Variants in TRPC7 observed in about 807,000 individuals in gnomAD.
TRPC7 encodes the protein short transient receptor potential channel 7.
A neutral mutation model predicts 90.1 loss-of-function variants in TRPC7; 42 were observed. The observed-to-expected ratio is 0.47, with a 90% CI of 0.36 to 0.60. The LOEUF is 0.60. TRPC7 is among the 20% of genes least tolerant of loss of function. The pLI is 0.00. For synonymous variants in TRPC7, 451 were observed against 436.3 expected, an observed-to-expected ratio of 1.03 and a Z score of -0.42; for missense variants, 955 against 1,112.3, an observed-to-expected ratio of 0.86 and a Z score of 2.01.
intron 5 of TRPC7, among the ~76,000 whole-genome samples, chr5:136,254,419 C>G (rs1157178292): frequency 2.0e-5 from 3 of 152,144 alleles, no homozygotes; most frequent in Non-Finnish European, 4.4e-5. Flanking sequence ...ATGTACCATT[C>G]CAAACCTAGG....
chr5:136,360,284 T>TACAAAACAAAACAAA lies in TRPC7; in HGVS notation c.3-2914_3-2900dup, dbSNP rs138394162. The stretch of plus-strand genomic sequence containing the variant: ...AGCATTGTTTGTTAATTCCACTCAT[T>TACAAAACAAAACAAA]ACAAAACAAAACAAAACAAAACAAA... On this transcript the variant is annotated intron_variant, in intron 1 of 11. Coordinates refer to ENST00000513104, the MANE Select transcript of TRPC7 (RefSeq NM_020389.3). Among the ~76,000 whole-genome samples, 329 of 151,590 alleles carry TACAAAACAAAACAAA rather than the reference T, an allele frequency of 2.2e-3. 1 individual carries two copies. Among genetic ancestry groups the TACAAAACAAAACAAA allele is most frequent in the Middle Eastern group, 0.01 (3 of 294 alleles).
At chr5:136,238,004 G>A (rs1363781796) in intron 7 of TRPC7, among the ~76,000 whole-genome samples, 1 of 152,274 alleles carries the variant, frequency 6.6e-6, no homozygotes, top group East Asian at 1.9e-4. Flanking sequence ...GCCTCCTGGA[G>A]CCCGAGGCTG....
rs371441234 is a variant in TRPC7 at position 136,323,061 on chromosome 5, G to A, written c.781-7282C>T. On this transcript the variant is annotated intron_variant, in intron 2 of 11. Coordinates refer to ENST00000513104, the MANE Select transcript of TRPC7 (RefSeq NM_020389.3). Reference sequence around the variant, plus strand: ...CCCATAGTTCCCTTGTGTTGTGGGAGGAACCCAGTGGGAGATAATTGAATC... The same window carrying A: ...CCCATAGTTCCCTTGTGTTGTGGGAAGAACCCAGTGGGAGATAATTGAATC... 7.2e-5 allele frequency among the ~76,000 whole-genome samples: 11 copies of A among 152,300 alleles called. No homozygotes were observed. In the East Asian group the frequency reaches 1.9e-3, roughly 27 times the overall value.
chr5:136,361,648 T>A (rs1760572585), intron 1 of TRPC7, among the ~76,000 whole-genome samples: 1 of 152,204 alleles, frequency 6.6e-6, no homozygotes, highest in Non-Finnish European at 1.5e-5. Context: ...TCTAAAATGC[T>A]ACATGCATCA....
intron 3 of TRPC7, among the ~76,000 whole-genome samples, chr5:136,292,625 C>G (rs1193465943): frequency 1.3e-5 from 2 of 152,194 alleles, no homozygotes; most frequent in Non-Finnish European, 2.9e-5. Context: ...AGACCAATAA[C>G]AGGCTCTGAA....
rs1760421123 is a variant in TRPC7, at chr5:136,357,285, C to A, written c.103G>T (p.Glu35Ter). Reference sequence around the variant, plus strand: ...TCGGGCGTCAGACTGGTGCCCTTCTCGTTGAACATGTAGGCGGGACCCCGG... The same window carrying A: ...TCGGGCGTCAGACTGGTGCCCTTCTAGTTGAACATGTAGGCGGGACCCCGG... ...AIRGPAYMFN[E>*]KGTSLTPEEE... is the part of the protein sequence containing the mutation. Residue 35 changes from glutamate to a stop codon, truncating the protein, a stop_gained, in exon 2 of 12, where the codon GAG becomes TAG. Coordinates refer to ENST00000513104, the MANE Select transcript of TRPC7 (RefSeq NM_020389.3). LOFTEE classifies it high-confidence loss of function. The A allele has an allele frequency of 1.9e-6, 3 of 1,612,816 alleles. No homozygotes were observed. The African/African-American group carries it at 4.0e-5, about 21-fold the overall frequency.
intron 3 of TRPC7, among the ~76,000 whole-genome samples, chr5:136,300,208 G>A (rs1391202706): frequency 6.6e-6 from 1 of 152,198 alleles, no homozygotes; most frequent in East Asian, 1.9e-4. Context: ...AGTACCATCT[G>A]CACATTAGGG....
chr5:136,214,161 A>G (rs1040504263), intron 11 of TRPC7: 1 of 152,566 alleles, frequency 6.6e-6, no homozygotes, highest in African/African-American at 2.4e-5. Context: ...CAGCCCACAC[A>G]AGCAGCAGCA....
At chr5:136,288,760 A>C (rs987593798) in intron 3 of TRPC7, among the ~76,000 whole-genome samples, 2 of 152,232 alleles carry the variant, frequency 1.3e-5, no homozygotes, top group Non-Finnish European at 2.9e-5. Context: ...AATCTTTAAC[A>C]ACCATGTAAG....
intron 3 of TRPC7, among the ~76,000 whole-genome samples, chr5:136,290,958 C>A (rs1436190086): frequency 5.3e-5 from 8 of 152,210 alleles, no homozygotes; most frequent in Non-Finnish European, 7.3e-5. Flanking sequence ...AGAAACTCTG[C>A]AAGCCAGAAG....
intron 2 of TRPC7, among the ~76,000 whole-genome samples, chr5:136,352,327 G>A (rs1410951312): frequency 6.6e-6 from 1 of 152,050 alleles, no homozygotes; most frequent in East Asian, 1.9e-4. Context: ...AACTCAGTTG[G>A]AAGAAATATT....
intron 3 of TRPC7, among the ~76,000 whole-genome samples, chr5:136,305,958 C>G (rs1758610996): frequency 6.6e-6 from 1 of 152,192 alleles, no homozygotes; most frequent in African/African-American, 2.4e-5. Flanking sequence ...CCCGTTTGAG[C>G]TCCTTTTTAT....
intron 3 of TRPC7, among the ~76,000 whole-genome samples, chr5:136,276,316 G>A (rs1240459035): frequency 6.6e-6 from 1 of 152,212 alleles, no homozygotes; most frequent in South Asian, 2.1e-4. Flanking sequence ...GACTAGAGAA[G>A]ATAGACTGGG....
At chr5:136,330,289 A>C (rs1249816227) in intron 2 of TRPC7, among the ~76,000 whole-genome samples, 1 of 152,252 alleles carries the variant, frequency 6.6e-6, no homozygotes, top group Non-Finnish European at 1.5e-5. Flanking sequence ...TCAAGTGCTT[A>C]CTATGTCCAG....
intron 3 of TRPC7, among the ~76,000 whole-genome samples, chr5:136,290,069 G>A (rs1008173003): frequency 3.3e-5 from 5 of 152,216 alleles, no homozygotes; most frequent in Admixed American, 3.3e-4. Flanking sequence ...CAACAGACCT[G>A]CAGCTGAGGG....
intron 4 of TRPC7, among the ~76,000 whole-genome samples, chr5:136,271,710 C>T (rs1479339226): frequency 6.6e-6 from 1 of 152,192 alleles, no homozygotes; most frequent in Non-Finnish European, 1.5e-5. Context: ...ACTGTTCTTT[C>T]TCTTGACCCA....
At position 136,251,700 on chromosome 5, in the gene TRPC7, C is replaced by T. The variant is rs1238726354; in HGVS notation, c.1528G>A (p.Asp510Asn). ...QLYVDQHVQDDTLHNVSLPPE... is the reference protein window; with the variant it reads ...QLYVDQHVQDNTLHNVSLPPE... ...GGAAGCGAGACATTGTGCAGCGTGT[C>T]GTCCTGCACGTGCTGGTCCACGTAC... The change falls in exon 6 of 12, where the codon GAC (aspartate) becomes AAC (asparagine). Residue 510 changes from aspartate (D) to asparagine (N), a missense_variant. Asp to Asn is a conservative substitution (Grantham distance 23). Transcript: ENST00000513104. 6.2e-6 allele frequency: 10 copies of T among 1,613,468 alleles called. No homozygotes were observed. Among genetic ancestry groups the T allele is most frequent in the Admixed American group, 3.3e-5 (2 of 59,988 alleles).
chr5:136,288,220 G>A (rs1757797064), intron 3 of TRPC7, among the ~76,000 whole-genome samples: 1 of 151,966 alleles, frequency 6.6e-6, no homozygotes, highest in Admixed American at 6.6e-5. Flanking sequence ...ACTACACCAA[G>A]CAGCAGTTAA....
intron 2 of TRPC7, among the ~76,000 whole-genome samples, chr5:136,341,685 G>A (rs544296602): frequency 6.6e-6 from 1 of 152,202 alleles, no homozygotes; most frequent in African/African-American, 2.4e-5. Context: ...GAAGATGAAT[G>A]ATTTCTTCAT....
Sources: gnomAD v4.1 joint callset for allele counts (sites outside exome capture counted in the v4.1 genomes callset) on GRCh38, gnomAD v4.1.1 for gene constraint, MANE v1.5 for transcripts, NCBI Gene and HGNC (gene_info 2026-07-23, HGNC 2026-07-21) for gene names.